Variants in BHMT2 observed in about 807,000 individuals in gnomAD.
BHMT2 encodes S-methylmethionine--homocysteine S-methyltransferase BHMT2.
BHMT2 carries 28 observed loss-of-function variants against 39.0 expected under a neutral mutation model. That is an observed-to-expected ratio of 0.72 (90% CI 0.53 to 0.98). BHMT2 has a LOEUF of 0.98. BHMT2 is among the 50% of genes least tolerant of loss of function. The pLI, the probability that BHMT2 is intolerant of heterozygous loss-of-function variation, is 0.00. For synonymous variants in BHMT2, 145 were observed against 160.6 expected (o/e 0.90, Z 0.74); for missense variants, 410 against 455.6 (o/e 0.90, Z 0.91).
At chr5:79,070,117 G>A (rs2112689002) in intron 1 of BHMT2, among the ~76,000 whole-genome samples, 1 of 152,326 alleles carries the variant, frequency 6.6e-6, no homozygotes, top group East Asian at 1.9e-4. Flanking sequence ...CAGGGTCACG[G>A]GTCCAGCCCC....
At chr5:79,069,848 C>A in intron 1 of BHMT2, 33 bp downstream of exon 1, 1 of 1,384,278 alleles carries the variant, frequency 7.2e-7, no homozygotes, top group Non-Finnish European at 9.4e-7. Context: ...TCGCGGAGCT[C>A]CTGGCCGCTG....
chr5:79,072,141 C>T (rs995025827), intron 1 of BHMT2, among the ~76,000 whole-genome samples: 50 of 152,068 alleles, frequency 3.3e-4, no homozygotes, highest in Non-Finnish European at 5.9e-5. Flanking sequence ...GTGGCATGCA[C>T]CTATAATCCC....
At chr5:79,087,014 GTA>G (rs369119738) in intron 7 of BHMT2, among the ~76,000 whole-genome samples, 40,377 of 118,092 alleles carry the variant, frequency 0.34, 6,243 homozygotes, top group South Asian at 0.36. Flanking sequence ...GTGTGTGTGT[GTA>G]TATATATATA....
At position 79,069,791 on chromosome 5, in the gene BHMT2, TG is replaced by T; in HGVS notation, c.10del (p.Ala4LeufsTer20). On this transcript the variant is annotated frameshift_variant, in exon 1 of 8. Coordinates refer to ENST00000255192, the MANE Select transcript of BHMT2 (RefSeq NM_017614.5). LOFTEE classifies it high-confidence loss of function. ...CACAGAGCCGCGGCACCATGGCACC[TG>T]CTGGACGCCCGGGGGCCAAGAAGGT... MAPAGRPGAKKGIL... is the reference protein window; with the variant it reads MAPXGRPGAKKGIL... 1 of 1,434,386 alleles carries T rather than the reference TG, an allele frequency of 7.0e-7. No individual in the cohort carries two copies. The highest frequency in any genetic ancestry group is 1.5e-5 in the South Asian group (1 of 67,764). 88.9% of individuals were successfully genotyped at this position (1,434,386 alleles called of 1,614,324 possible).
chr5:79,075,531 T>G (rs1342002712), intron 1 of BHMT2, among the ~76,000 whole-genome samples: 1 of 152,158 alleles, frequency 6.6e-6, no homozygotes, highest in Non-Finnish European at 1.5e-5. Flanking sequence ...ATCCATTCAT[T>G]GCTTTGTGTC....
chr5:79,069,776 C>CGGCACCAT lies in BHMT2; in HGVS notation c.1_8dup, dbSNP rs765141747. On this transcript the variant is annotated 5_prime_UTR_variant, in exon 1 of 8. It adds an upstream start codon to the 5' untranslated region. Coordinates refer to ENST00000255192, the MANE Select transcript of BHMT2 (RefSeq NM_017614.5). ...CGGGAACCCGGCGCCCACAGAGCCG[C>CGGCACCAT]GGCACCATGGCACCTGCTGGACGCC... is the stretch of plus-strand genomic sequence containing the variant. 1.6e-4 allele frequency: 229 copies of CGGCACCAT among 1,425,088 alleles called. No individual in the cohort carries two copies. Among genetic ancestry groups the CGGCACCAT allele is most frequent in the Admixed American group, 2.2e-4 (8 of 35,962 alleles). The allele number at this position is 1,425,088 out of a possible 1,614,324, so 88.3% of individuals were successfully genotyped here. A position where few individuals can be genotyped will look rare whatever the true frequency, so the allele number is the denominator to read the frequency against.
chr5:79,078,791 A>T (rs1214905517), intron 2 of BHMT2, among the ~76,000 whole-genome samples: 1 of 152,216 alleles, frequency 6.6e-6, no homozygotes, highest in Non-Finnish European at 1.5e-5. Flanking sequence ...ATGTTAAAAG[A>T]CCTTTTTGCT....
chr5:79,077,793 C>T (rs967401139), intron 2 of BHMT2, 181 bp downstream of exon 2: 57 of 610,106 alleles, frequency 9.3e-5, no homozygotes, highest in African/African-American at 9.1e-4. Context: ...TGACCTCTCT[C>T]TCTCTCATAC....
Position 79,071,384 on chromosome 5 carries a change from T to G in BHMT2, c.33+1569T>G, listed in dbSNP as rs142271000. 8.9e-4 allele frequency among the ~76,000 whole-genome samples: 135 copies of G among 152,256 alleles called. 1 individual carries two copies. The highest frequency in any genetic ancestry group is 1.6e-3 in the Non-Finnish European group (108 of 68,024). ...CAGTGAAGTTGATCCCCACTGAGTA[T>G]GAATAGAGATGTCTTGAAGCCAGAT... is the stretch of plus-strand genomic sequence containing the variant. On this transcript the variant is annotated intron_variant, in intron 1 of 7. Transcript: ENST00000255192.
At chr5:79,077,403 A>T (rs1390822520) in intron 1 of BHMT2, 77 bp from the exon 2 acceptor site, 1 of 1,534,696 alleles carries the variant, frequency 6.5e-7, no homozygotes, top group Non-Finnish European at 8.8e-7. Flanking sequence ...ATACCACTTC[A>T]CCTAAAATTA....
Position 79,089,450 on chromosome 5 carries a change from C to CAAAAAAA in BHMT2, c.*886_*892dup, listed in dbSNP as rs557341649. On this transcript the variant is annotated 3_prime_UTR_variant, in exon 8 of 8. Coordinates refer to ENST00000255192, the MANE Select transcript of BHMT2 (RefSeq NM_017614.5). ...TGGGTGACAGAGTGAGACTCCATCT[C>CAAAAAAA]AAAAAAAAAAAAAAAAGATATTAGG... is the stretch of plus-strand genomic sequence containing the variant. The CAAAAAAA allele has an allele frequency of 1.1e-5, 1 of 90,996 alleles. No homozygotes were observed. 5.6% of individuals were successfully genotyped at this position (90,996 alleles called of 1,614,324 possible). A position where few individuals can be genotyped will look rare whatever the true frequency, so the allele number is the denominator to read the frequency against.
chr5:79,084,525 G>T (rs1037464018), intron 7 of BHMT2, among the ~76,000 whole-genome samples: 7 of 152,066 alleles, frequency 4.6e-5, no homozygotes, highest in African/African-American at 1.4e-4. Context: ...GCCTGCCTTG[G>T]CCTCCCAAAG....
intron 1 of BHMT2, among the ~76,000 whole-genome samples, chr5:79,070,201 C>CG (rs1381400192): frequency 6.6e-6 from 1 of 152,246 alleles, no homozygotes; most frequent in Admixed American, 6.5e-5. Context: ...AACCGACCCT[C>CG]GCCCGCAGCT....
chr5:79,083,915 T>C (rs553181374), intron 7 of BHMT2, 59 bp downstream of exon 7: 1 of 1,537,066 alleles, frequency 6.5e-7, no homozygotes, highest in Non-Finnish European at 8.8e-7. Context: ...TTATTTATTG[T>C]TGTAAATGTC....
chr5:79,088,283 G>A (rs1755944339), intron 7 of BHMT2, among the ~76,000 whole-genome samples: 1 of 151,752 alleles, frequency 6.6e-6, no homozygotes, highest in African/African-American at 2.4e-5. Context: ...TGGCATTAAT[G>A]GATATGGACA....
intron 1 of BHMT2, among the ~76,000 whole-genome samples, chr5:79,076,216 T>C (rs1755668070): frequency 1.3e-5 from 2 of 152,180 alleles, no homozygotes; most frequent in Admixed American, 1.3e-4. Flanking sequence ...GACTCTCCTC[T>C]GATTACCCCT....
chr5:79,083,211 G>A lies in BHMT2; in HGVS notation c.618G>A (p.Val206=). The A allele has an allele frequency of 6.2e-7, 1 of 1,614,082 alleles. No homozygotes were observed. Among genetic ancestry groups the A allele is most frequent in the Non-Finnish European group, 8.5e-7 (1 of 1,180,034 alleles). ...LVKAGASIVG[V]NCRFGPDTSL... The stretch of plus-strand genomic sequence containing the variant: ...GCACAGGGGCTTCCATCGTTGGCGT[G>A]AACTGCCGCTTTGGGCCCGACACCA... The change falls in exon 6 of 8, where the codon GTG becomes GTA. Residue 206 remains valine (V), a synonymous_variant. Coordinates refer to ENST00000255192, the MANE Select transcript of BHMT2 (RefSeq NM_017614.5).
Position 79,080,840 on chromosome 5 carries a change from G to T in BHMT2, c.412G>T (p.Val138Phe), listed in dbSNP as rs1196580762. Residue 138 changes from valine (V) to phenylalanine (F), a missense_variant, in exon 4 of 8, where the codon GTT becomes TTT. By Grantham distance (50) the Val-to-Phe change is conservative (BLOSUM62 -1). Transcript: ENST00000255192. Reference protein sequence around the residue: ...IKKLFRQQLEVFAWKNVDFLI... With the variant: ...IKKLFRQQLEFFAWKNVDFLI... ...AAAACTTTTTCGACAACAGCTAGAA[G>T]TTTTTGCCTGGAAAAATGTGGACTT... is the stretch of plus-strand genomic sequence containing the variant. The T allele has an allele frequency of 6.2e-7, 1 of 1,601,316 alleles. No individual in the cohort carries two copies. The highest frequency in any genetic ancestry group is 8.5e-7 in the Non-Finnish European group (1 of 1,176,114).
rs1270341741 is a variant in BHMT2 at position 79,090,069 on chromosome 5, A to T, written c.*1495A>T. Among the ~76,000 whole-genome samples, 1 of 152,220 alleles carries T rather than the reference A, an allele frequency of 6.6e-6. No individual in the cohort carries two copies. ...TGGCAATAAAAATGATTTACCTTTT[A>T]TAGTGTTTGAATGTCGAAAATGTCA... On this transcript the variant is annotated 3_prime_UTR_variant, in exon 8 of 8. Transcript: ENST00000255192.
Sources: gnomAD v4.1 joint callset for allele counts (sites outside exome capture counted in the v4.1 genomes callset) on GRCh38, gnomAD v4.1.1 for gene constraint, MANE v1.5 for transcripts, NCBI Gene and HGNC (gene_info 2026-07-23, HGNC 2026-07-21) for gene names.